SMCHD1: variants seen among roughly 807,000 people sequenced by gnomAD.
The protein encoded by SMCHD1 is structural maintenance of chromosomes flexible hinge domain-containing protein 1.
A neutral mutation model predicts 254.7 loss-of-function variants in SMCHD1; 78 were observed. That is an observed-to-expected ratio of 0.31 (90% CI 0.26 to 0.37). The LOEUF (loss-of-function observed/expected upper bound fraction) is 0.37, where lower values mean the gene tolerates loss of function less well. SMCHD1 is among the 10% of genes least tolerant of loss of function. The pLI, the probability that SMCHD1 is intolerant of heterozygous loss-of-function variation, is 1.00. For missense variants in SMCHD1, 1,840 were observed against 2,408.1 expected, an observed-to-expected ratio of 0.76 and a Z score of 4.94; for synonymous variants, 766 against 794.9, an observed-to-expected ratio of 0.96 and a Z score of 0.61.
chr18:2,719,828 A>G (rs1310335594), intron 19 of SMCHD1, among the ~76,000 whole-genome samples: 1 of 152,004 alleles, frequency 6.6e-6, no homozygotes, highest in Non-Finnish European at 1.5e-5. Flanking sequence ...GGCGTATGCC[A>G]CCACGCCCGG....
intron 17 of SMCHD1, 24 bp downstream of exon 17, chr18:2,707,944 T>C (rs1598345958): frequency 1.5e-6 from 2 of 1,315,350 alleles, no homozygotes; most frequent in Middle Eastern, 5.2e-4. Context: ...CTAATTTAGA[T>C]CTTTAATATT....
At chr18:2,664,203 C>G (rs1598280439) in intron 1 of SMCHD1, among the ~76,000 whole-genome samples, 1 of 152,144 alleles carries the variant, frequency 6.6e-6, no homozygotes, top group East Asian at 1.9e-4. Flanking sequence ...ACCCCATATA[C>G]TTCAGCCTGA....
intron 17 of SMCHD1, among the ~76,000 whole-genome samples, chr18:2,708,898 AT>A (rs1568198640): frequency 0.038 from 2,899 of 76,162 alleles, 486 homozygotes; most frequent in Middle Eastern, 0.074. Flanking sequence ...ATATATATAT[AT>A]ATATATATAA....
intron 30 of SMCHD1, among the ~76,000 whole-genome samples, chr18:2,748,455 G>A (rs1225899850): frequency 7.1e-6 from 1 of 140,852 alleles, no homozygotes; most frequent in East Asian, 2.1e-4. Context: ...GTGCAGTGGC[G>A]TGATCTTGGC....
At chr18:2,775,633 T>C (rs779779271) in intron 41 of SMCHD1, 101 bp from the exon 42 acceptor site, 8 of 862,602 alleles carry the variant, frequency 9.3e-6, no homozygotes, top group Non-Finnish European at 1.3e-5. Flanking sequence ...AATTCATGTG[T>C]TTCAGAGAAG....
chr18:2,711,025 G>A (rs778606908), intron 17 of SMCHD1, among the ~76,000 whole-genome samples: 1 of 152,032 alleles, frequency 6.6e-6, no homozygotes, highest in Non-Finnish European at 1.5e-5. Flanking sequence ...CACCCAGGCT[G>A]GAATGATGCG....
chr18:2,761,272 G>C (rs1176214735), intron 35 of SMCHD1, among the ~76,000 whole-genome samples: 1 of 152,198 alleles, frequency 6.6e-6, no homozygotes, highest in African/African-American at 2.4e-5. Context: ...AGAGGGGAAA[G>C]AGGGAGGTGG....
rs2075396234 is a variant in SMCHD1, at chr18:2,743,770, C to T, written c.3643C>T (p.Gln1215Ter). Reference sequence around the variant, plus strand: ...TACTTTTCCTCACTAGGAAAACACACAGAGTATAAGTGTAAGAGGCATCAA... The same window carrying T: ...TACTTTTCCTCACTAGGAAAACACATAGAGTATAAGTGTAAGAGGCATCAA... ...NLKTTFQENT[Q>*]SISVRGIKFI... Residue 1215 changes from glutamine to a stop codon, truncating the protein, a stop_gained, in exon 29 of 48, where the codon CAG becomes TAG. Transcript: ENST00000320876. LOFTEE classifies it high-confidence loss of function. The T allele has an allele frequency of 6.3e-7, 1 of 1,596,596 alleles. No homozygotes were observed. The highest frequency in any genetic ancestry group is 1.1e-5 in the South Asian group (1 of 88,880).
At chr18:2,688,821 G>A in intron 7 of SMCHD1, 74 bp downstream of exon 7, 4 of 940,946 alleles carry the variant, frequency 4.3e-6, no homozygotes, top group African/African-American at 1.6e-5. Context: ...TAACTTGAAA[G>A]TATGAAATTT....
rs772311926 is a variant in SMCHD1, at chr18:2,772,343, A to C, written c.5146A>C (p.Thr1716Pro). ...AAGATCGTGTACTCTTCCAAACTATACTAAAGGCAGTGGAGATGTTTTGGG... is the reference window on the plus strand; with the variant it reads ...AAGATCGTGTACTCTTCCAAACTATCCTAAAGGCAGTGGAGATGTTTTGGG... ...PRRSCTLPNYTKGSGDVLGKI... is the reference protein window; with the variant it reads ...PRRSCTLPNYPKGSGDVLGKI... The change falls in exon 41 of 48, where the codon ACT (threonine) becomes CCT (proline). Residue 1716 changes from threonine (T) to proline (P), a missense_variant. Around this residue, in one of 9 missense-constraint regions of SMCHD1, gnomAD observed 881 missense variants for 1,009.5 expected, o/e 0.87. Transcript: ENST00000320876. 6.3e-7 allele frequency: 1 copy of C among 1,590,304 alleles called. No individual in the cohort carries two copies. The highest frequency in any genetic ancestry group is 2.3e-5 in the East Asian group (1 of 43,506).
chr18:2,713,164 GT>G (rs34997021), intron 17 of SMCHD1, among the ~76,000 whole-genome samples: 1 of 152,160 alleles, frequency 6.6e-6, no homozygotes, highest in African/African-American at 2.4e-5. Context: ...CAGTCCAGTA[GT>G]TTGCCAGTCC....
In SMCHD1 at chr18:2,786,737, G is replaced by A. The variant is rs1357233617; in HGVS notation, c.5719+2116G>A. Among the ~76,000 whole-genome samples the A allele has an allele frequency of 2.0e-5, 3 of 151,912 alleles. No individual in the cohort carries two copies. The East Asian group carries it at 5.8e-4, about 29-fold the overall frequency. On this transcript the variant is annotated intron_variant, in intron 45 of 47. Transcript: ENST00000320876. ...CCAGTACTGTAGAAGATTTCTTTTTGGCTCCTCCACTCCCTACCACCACTC... is the reference window on the plus strand; with the variant it reads ...CCAGTACTGTAGAAGATTTCTTTTTAGCTCCTCCACTCCCTACCACCACTC...
At chr18:2,755,103 G>T (rs2075648350) in intron 34 of SMCHD1, among the ~76,000 whole-genome samples, 1 of 152,014 alleles carries the variant, frequency 6.6e-6, no homozygotes, top group African/African-American at 2.4e-5. Context: ...CACCCAGGCT[G>T]TAGTGCAGTG....
At chr18:2,673,142 A>G (rs2073657126) in intron 3 of SMCHD1, 139 bp from the exon 4 acceptor site, 1 of 1,324,104 alleles carries the variant, frequency 7.6e-7, no homozygotes, top group Non-Finnish European at 9.7e-7. Context: ...TTTATTATGT[A>G]TTATATCATT....
intron 5 of SMCHD1, among the ~76,000 whole-genome samples, chr18:2,683,762 T>C (rs2073980945): frequency 6.6e-6 from 1 of 152,194 alleles, no homozygotes; most frequent in Admixed American, 6.5e-5. Context: ...ACCCTTTTAT[T>C]CATTATGTAG....
At chr18:2,705,602 A>G (rs1427086664) in intron 13 of SMCHD1, 92 bp from the exon 14 acceptor site, 1 of 498,468 alleles carries the variant, frequency 2.0e-6, no homozygotes, top group Non-Finnish European at 3.4e-6. Context: ...TTTCTTTGTA[A>G]TAAAGAAGTT....
chr18:2,767,291 A>G (rs919840444), intron 37 of SMCHD1, among the ~76,000 whole-genome samples: 1 of 152,058 alleles, frequency 6.6e-6, no homozygotes, highest in Non-Finnish European at 1.5e-5. Flanking sequence ...TATGTACGTA[A>G]GCATATCTTA....
chr18:2,744,491 G>C (rs1054297296), intron 29 of SMCHD1, among the ~76,000 whole-genome samples: 8 of 151,156 alleles, frequency 5.3e-5, no homozygotes, highest in African/African-American at 1.9e-4. Flanking sequence ...CATATTTATT[G>C]TGTACAACAT....
At chr18:2,679,775 TG>T (rs2073883294) in intron 5 of SMCHD1, among the ~76,000 whole-genome samples, 1 of 152,148 alleles carries the variant, frequency 6.6e-6, no homozygotes, top group African/African-American at 2.4e-5. Flanking sequence ...TCTTCAAATT[TG>T]GGGAGTTTTT....
Sources: gnomAD v4.1 joint callset for allele counts (sites outside exome capture counted in the v4.1 genomes callset) on GRCh38, gnomAD v4.1.1 for gene constraint, gnomAD v4.1.1 regional missense constraint, MANE v1.5 for transcripts, NCBI Gene and HGNC (gene_info 2026-07-23, HGNC 2026-07-21) for gene names.